Variants in CRADD observed in about 807,000 individuals in gnomAD.
CRADD encodes CARD and death domain containing adaptor protein, also known as death domain-containing protein CRADD.
In CRADD, 9 loss-of-function variants were observed where a neutral mutation model predicts 15.5. That is an observed-to-expected ratio of 0.58 (90% confidence interval 0.35 to 1.01). The LOEUF is 1.01. Among genes scored for constraint, CRADD ranks in the 50% least tolerant of loss-of-function variants. The pLI, the probability that CRADD is intolerant of heterozygous loss-of-function variation, is 0.02. For missense variants in CRADD, 227 were observed against 250.3 expected (o/e 0.91, Z 0.63); for synonymous variants, 118 against 107.6 (o/e 1.10, Z -0.60).
At chr12:93,820,253 A>T (rs866833606) in intron 2 of CRADD, among the ~76,000 whole-genome samples, 5 of 152,324 alleles carry the variant, frequency 3.3e-5, no homozygotes, top group Admixed American at 6.5e-5. Context: ...CTAGCTTGCC[A>T]TCTTGGTTTA....
At position 93,823,332 on chromosome 12, in the gene CRADD, G is replaced by A. The variant is rs1266976453; in HGVS notation, c.299-26638G>A. Among the ~76,000 whole-genome samples the A allele has an allele frequency of 3.3e-5, 5 of 151,438 alleles. No homozygotes were observed. In the East Asian group the frequency reaches 7.7e-4, roughly 23 times the overall value. ...AAAAAAAGAAGAGGAAGAAGAATAT[G>A]CTAGCATTGTTGATTTGGTTTATAG... On this transcript the variant is annotated intron_variant, in intron 2 of 2. Coordinates refer to ENST00000332896, the MANE Select transcript of CRADD (RefSeq NM_003805.5).
At chr12:93,872,856 G>A (rs1958432755) in intron 2 of CRADD, among the ~76,000 whole-genome samples, 1 of 152,088 alleles carries the variant, frequency 6.6e-6, no homozygotes, top group East Asian at 1.9e-4. Flanking sequence ...CTCCAGTTTT[G>A]TTCTTTTTGC....
chr12:93,722,044 T>C (rs1328604859), intron 2 of CRADD, among the ~76,000 whole-genome samples: 9 of 152,200 alleles, frequency 5.9e-5, no homozygotes, highest in Non-Finnish European at 1.3e-4. Context: ...ACAAACTCTG[T>C]CAATTTTTGT....
At chr12:93,694,525 TA>T (rs1484866276) in intron 2 of CRADD, among the ~76,000 whole-genome samples, 1 of 152,132 alleles carries the variant, frequency 6.6e-6, no homozygotes, top group Non-Finnish European at 1.5e-5. Context: ...AGAAAGAAGT[TA>T]AATTATCCCT....
At chr12:93,868,519 T>C (rs145165203) in intron 2 of CRADD, among the ~76,000 whole-genome samples, 2 of 152,302 alleles carry the variant, frequency 1.3e-5, no homozygotes, top group Non-Finnish European at 2.9e-5. Flanking sequence ...TAAAATATGT[T>C]GTTCAACTTT....
At chr12:93,720,552 T>A (rs1486101177) in intron 2 of CRADD, among the ~76,000 whole-genome samples, 1 of 152,220 alleles carries the variant, frequency 6.6e-6, no homozygotes, top group East Asian at 1.9e-4. Flanking sequence ...CTCTTTTTTC[T>A]TACAGTTCTA....
chr12:93,753,893 G>C (rs892781780), intron 2 of CRADD, among the ~76,000 whole-genome samples: 2 of 152,176 alleles, frequency 1.3e-5, no homozygotes, highest in African/African-American at 2.4e-5. Flanking sequence ...TCTGGAGGGC[G>C]TGGCCCTCTT....
At chr12:93,852,265 G>C (rs1326760093), downstream of CRADD, among the ~76,000 whole-genome samples, 9 of 152,202 alleles carry the variant, frequency 5.9e-5, no homozygotes, top group Admixed American at 5.9e-4. Context: ...TGAGTGAGTA[G>C]AGCTGGGCTC....
At chr12:93,729,109 C>T (rs1049300014) in intron 2 of CRADD, among the ~76,000 whole-genome samples, 14 of 152,104 alleles carry the variant, frequency 9.2e-5, no homozygotes, top group Non-Finnish European at 1.6e-4. Context: ...CCAGAAATAG[C>T]CTCACATTAG....
chr12:93,771,290 C>G (rs971097167), intron 2 of CRADD, among the ~76,000 whole-genome samples: 6 of 152,188 alleles, frequency 3.9e-5, no homozygotes, highest in Non-Finnish European at 8.8e-5. Context: ...TTTAAACTCT[C>G]TCCCAGAGTT....
intron 2 of CRADD, among the ~76,000 whole-genome samples, chr12:93,742,042 C>CTA (rs1555220784): frequency 2.0e-5 from 3 of 152,132 alleles, no homozygotes; most frequent in African/African-American, 7.2e-5. Context: ...TGGGTCCTTG[C>CTA]TAATGTCAGC....
At chr12:93,682,461 C>T (rs1400063608) in intron 2 of CRADD, among the ~76,000 whole-genome samples, 2 of 152,090 alleles carry the variant, frequency 1.3e-5, no homozygotes, top group Non-Finnish European at 2.9e-5. Context: ...CTTTTTTAGC[C>T]AAGACGTTGA....
chr12:93,752,727 A>AG (rs1360941251), intron 2 of CRADD, among the ~76,000 whole-genome samples: 8 of 152,126 alleles, frequency 5.3e-5, no homozygotes, highest in Non-Finnish European at 1.0e-4. Flanking sequence ...TCCACATGGC[A>AG]GGGGGGGCCT....
At chr12:93,781,573 T>A (rs373146481) in intron 2 of CRADD, among the ~76,000 whole-genome samples, 1 of 152,208 alleles carries the variant, frequency 6.6e-6, no homozygotes, top group Non-Finnish European at 1.5e-5. Context: ...TCAGTCTCCA[T>A]ATCACTAAAA....
chr12:93,744,220 G>C (rs1956721419), intron 2 of CRADD, among the ~76,000 whole-genome samples: 1 of 152,160 alleles, frequency 6.6e-6, no homozygotes. Context: ...TGTACCTGTA[G>C]GCCTTCCAGG....
At position 93,781,925 on chromosome 12, in the gene CRADD, A is replaced by G. The variant is rs983449960; in HGVS notation, c.299-68045A>G. 3.9e-5 allele frequency among the ~76,000 whole-genome samples: 6 copies of G among 152,300 alleles called. No homozygotes were observed. The East Asian group carries it at 5.8e-4, about 15-fold the overall frequency. ...GTAAACTAGTTCAACCATTGTGGAA[A>G]TCAGTGTGGCGATTCCTCAGGGATC... On this transcript the variant is annotated intron_variant, in intron 2 of 2. Transcript: ENST00000332896.
At chr12:93,825,441 C>T (rs1410219905) in intron 2 of CRADD, among the ~76,000 whole-genome samples, 1 of 152,158 alleles carries the variant, frequency 6.6e-6, no homozygotes, top group Non-Finnish European at 1.5e-5. Context: ...GTGGCGATGG[C>T]TTTAAGAGTA....
chr12:93,859,172 C>T (rs574221168), intron 2 of CRADD: 38 of 389,942 alleles, frequency 9.7e-5, no homozygotes, highest in South Asian at 7.6e-4. Flanking sequence ...TTAACACACC[C>T]AGTTACCTGT....
chr12:93,844,845 C>T (rs1307197433), intron 2 of CRADD, among the ~76,000 whole-genome samples: 1 of 152,048 alleles, frequency 6.6e-6, no homozygotes, highest in African/African-American at 2.4e-5. Context: ...AAGGGTGCAC[C>T]CCACCGTAGC....
Sources: gnomAD v4.1 joint callset for allele counts (sites outside exome capture counted in the v4.1 genomes callset) on GRCh38, gnomAD v4.1.1 for gene constraint, MANE v1.5 for transcripts, NCBI Gene and HGNC (gene_info 2026-07-23, HGNC 2026-07-21) for gene names.